SMARCA2: variants seen among roughly 807,000 people sequenced by gnomAD.
The protein encoded by SMARCA2 is SWI/SNF related BAF chromatin remodeling complex subunit ATPase 2, also known as SWI/SNF-related matrix-associated actin-dependent regulator of chromatin subfamily A member 2.
A neutral mutation model predicts 199.8 loss-of-function variants in SMARCA2; 61 were observed. That is an observed-to-expected ratio of 0.31 (90% CI 0.25 to 0.38). The LOEUF is 0.38. Among genes scored for constraint, SMARCA2 ranks in the 10% least tolerant of loss-of-function variants. The pLI is 1.00. For synonymous variants in SMARCA2, 935 were observed against 732.0 expected, an observed-to-expected ratio of 1.28 and a Z score of -4.48; for missense variants, 1,344 against 2,012.2, an observed-to-expected ratio of 0.67 and a Z score of 6.35.
At chr9:2,136,470 G>T (rs1824201941) in intron 27 of SMARCA2, among the ~76,000 whole-genome samples, 1 of 152,148 alleles carries the variant, frequency 6.6e-6, no homozygotes, top group Non-Finnish European at 1.5e-5. Flanking sequence ...TTACAGGCGT[G>T]AACACTGTGC....
chr9:2,184,298 C>G (rs1827268875), intron 31 of SMARCA2, among the ~76,000 whole-genome samples: 1 of 151,226 alleles, frequency 6.6e-6, no homozygotes, highest in Admixed American at 6.6e-5. Context: ...CAGAGAGATT[C>G]TGTGTACCTT....
intron 9 of SMARCA2, among the ~76,000 whole-genome samples, chr9:2,066,023 T>C (rs1053872875): frequency 2.6e-5 from 4 of 152,246 alleles, no homozygotes; most frequent in African/African-American, 9.6e-5. Context: ...TTCATATCCC[T>C]GGGCATTTTT....
intron 21 of SMARCA2, among the ~76,000 whole-genome samples, chr9:2,100,072 C>T (rs1280975028): frequency 2.0e-5 from 3 of 152,070 alleles, no homozygotes; most frequent in Non-Finnish European, 4.4e-5. Context: ...GATCTGGTCC[C>T]CTTGGAGGAA....
intron 31 of SMARCA2, among the ~76,000 whole-genome samples, chr9:2,182,830 G>A (rs1003968484): frequency 7.1e-6 from 1 of 140,968 alleles, no homozygotes; most frequent in African/African-American, 2.7e-5. Context: ...ATGGAGTCTC[G>A]CCCAGGCTGG....
intron 22 of SMARCA2, among the ~76,000 whole-genome samples, 174 bp from the exon 23 acceptor site, chr9:2,103,829 C>G (rs915399391): frequency 1.3e-5 from 2 of 152,070 alleles, no homozygotes; most frequent in Non-Finnish European, 2.9e-5. Context: ...TTTTCCTTTT[C>G]TGCTAAATAT....
At chr9:2,020,251 T>G (rs1818541648) in intron 1 of SMARCA2, among the ~76,000 whole-genome samples, 1 of 152,172 alleles carries the variant, frequency 6.6e-6, no homozygotes, top group Non-Finnish European at 1.5e-5. Flanking sequence ...AATTATCTTC[T>G]AAATTGTTTT....
chr9:2,046,807 C>T (rs1341568572), intron 4 of SMARCA2, among the ~76,000 whole-genome samples: 2 of 152,072 alleles, frequency 1.3e-5, no homozygotes, highest in African/African-American at 2.4e-5. Context: ...CTTTTCTGAA[C>T]TCTCAATGCA....
intron 29 of SMARCA2, among the ~76,000 whole-genome samples, chr9:2,176,640 C>G (rs894534700): frequency 6.6e-5 from 10 of 152,142 alleles, no homozygotes; most frequent in Non-Finnish European, 1.5e-4. Flanking sequence ...CGACCTCTGC[C>G]TCCTGGGCTC....
In SMARCA2 at chr9:2,192,848, A is replaced by ATCGTCTATAAACTAGCTTTAGGATAGT. The variant is rs1827983891; in HGVS notation, c.*110_*136dup. The ATCGTCTATAAACTAGCTTTAGGATAGT allele has an allele frequency of 1.3e-6, 1 of 790,140 alleles. No homozygotes were observed. The highest frequency in any genetic ancestry group is 1.7e-5 in the African/African-American group (1 of 57,874). 48.9% of individuals were successfully genotyped at this position (790,140 alleles called of 1,614,324 possible). The stretch of plus-strand genomic sequence containing the variant: ...GGCACTGGGTTGTTTCTATATCATC[A>ATCGTCTATAAACTAGCTTTAGGATAGT]TCGTCTATAAACTAGCTTTAGGATA... On this transcript the variant is annotated 3_prime_UTR_variant, in exon 34 of 34. Coordinates refer to ENST00000349721, the MANE Select transcript of SMARCA2 (RefSeq NM_003070.5).
intron 29 of SMARCA2, among the ~76,000 whole-genome samples, chr9:2,180,388 C>G (rs948641934): frequency 1.4e-4 from 22 of 152,108 alleles, no homozygotes; most frequent in African/African-American, 5.1e-4. Context: ...CTGCGCATGC[C>G]TTTTTTATGA....
chr9:2,152,092 C>G (rs1825108195), intron 27 of SMARCA2, among the ~76,000 whole-genome samples: 1 of 152,146 alleles, frequency 6.6e-6, no homozygotes, highest in Non-Finnish European at 1.5e-5. Context: ...TCAGAAGTCA[C>G]CATGAACTGA....
In SMARCA2 at chr9:2,128,234, C is replaced by T. The variant is rs76955303; in HGVS notation, c.3981+4297C>T. ...TTGCTCCCCATGGGTCTCCACTGAT[C>T]TCAGCATATAGCTGCTGGTCTGCTC... On this transcript the variant is annotated intron_variant, in intron 27 of 33. Coordinates refer to ENST00000349721, the MANE Select transcript of SMARCA2 (RefSeq NM_003070.5). 1.8e-3 allele frequency among the ~76,000 whole-genome samples: 270 copies of T among 152,346 alleles called. 9 individuals are homozygous for T. The East Asian group carries it at 0.048, about 27-fold the overall frequency.
intron 1 of SMARCA2, among the ~76,000 whole-genome samples, chr9:2,027,950 C>G (rs1197776227): frequency 6.6e-6 from 1 of 152,220 alleles, no homozygotes; most frequent in Non-Finnish European, 1.5e-5. Flanking sequence ...ATGTGGAAAA[C>G]AGCTTATTTG....
At chr9:2,125,549 G>A (rs1337288804) in intron 27 of SMARCA2, among the ~76,000 whole-genome samples, 2 of 150,240 alleles carry the variant, frequency 1.3e-5, no homozygotes, top group Non-Finnish European at 2.9e-5. Context: ...TAGTGCAATG[G>A]TGTGGTCTCA....
intron 26 of SMARCA2, among the ~76,000 whole-genome samples, chr9:2,121,203 G>A (rs928474794): frequency 3.3e-5 from 5 of 152,118 alleles, no homozygotes; most frequent in South Asian, 2.1e-4. Flanking sequence ...CTTACTTTTG[G>A]GCTATTTGTA....
At chr9:2,134,350 GGTTTTTACCTA>G (rs144578451) in intron 27 of SMARCA2, among the ~76,000 whole-genome samples, 1 of 152,242 alleles carries the variant, frequency 6.6e-6, no homozygotes, top group African/African-American at 2.4e-5. Context: ...TCTTTACCCT[GGTTTTTACCTA>G]GGTGCACACC....
intron 29 of SMARCA2, among the ~76,000 whole-genome samples, chr9:2,174,782 T>C (rs1351971609): frequency 1.3e-5 from 2 of 151,172 alleles, no homozygotes; most frequent in African/African-American, 4.9e-5. Context: ...GAGGTGGGTG[T>C]GGTGGCATAC....
intron 27 of SMARCA2, among the ~76,000 whole-genome samples, chr9:2,125,114 C>G (rs961575016): frequency 6.6e-6 from 1 of 152,164 alleles, no homozygotes; most frequent in Non-Finnish European, 1.5e-5. Flanking sequence ...CAGGTCTTGT[C>G]ACCGCTTGAG....
intron 27 of SMARCA2, among the ~76,000 whole-genome samples, chr9:2,128,553 G>T (rs1454508723): frequency 6.6e-6 from 1 of 152,232 alleles, no homozygotes; most frequent in Non-Finnish European, 1.5e-5. Flanking sequence ...AGCACCAGGG[G>T]TTGTCAAACC....
Sources: allele counts gnomAD v4.1 joint callset (sites outside exome capture counted in the v4.1 genomes callset), GRCh38; gene constraint gnomAD v4.1.1; transcripts MANE v1.5; gene names NCBI Gene and HGNC (gene_info 2026-07-23, HGNC 2026-07-21).